Variants in PEAK1 observed in about 807,000 individuals in gnomAD.
The protein encoded by PEAK1 is inactive tyrosine-protein kinase PEAK1.
A neutral mutation model predicts 124.7 loss-of-function variants in PEAK1; 54 were observed. The ratio of observed to expected loss-of-function variants is 0.43; its 90% confidence interval spans 0.35 to 0.54. The LOEUF is 0.54. Ranked by LOEUF, PEAK1 falls within the 20% of genes least tolerant of loss-of-function variation. PEAK1 has a pLI of 0.01. For missense variants in PEAK1, 2,046 were observed against 2,134.5 expected (o/e 0.96, Z 0.82); for synonymous variants, 719 against 760.0 (o/e 0.95, Z 0.89).
chr15:77,380,263 C>T (rs559273999), intron 1 of PEAK1, among the ~76,000 whole-genome samples: 6 of 152,148 alleles, frequency 3.9e-5, no homozygotes, highest in East Asian at 3.9e-4. Flanking sequence ...TAATACAGGC[C>T]GATGGTTAGG....
chr15:77,145,204 T>C (rs1476692320), intron 8 of PEAK1, among the ~76,000 whole-genome samples: 1 of 152,326 alleles, frequency 6.6e-6, no homozygotes, highest in African/African-American at 2.4e-5. Flanking sequence ...ATCCCAGCAC[T>C]TCGGGAGGCC....
intron 2 of PEAK1, chr15:77,334,392 A>G: frequency 1.0e-6 from 1 of 985,244 alleles, no homozygotes; most frequent in African/African-American, 1.7e-5. Context: ...AAGAAGAAAT[A>G]TTTTCCAGAT....
intron 2 of PEAK1, among the ~76,000 whole-genome samples, chr15:77,322,568 G>A (rs1216156219): frequency 1.3e-5 from 2 of 152,098 alleles, no homozygotes; most frequent in African/African-American, 4.8e-5. Flanking sequence ...ACCCTCCCAA[G>A]ACTAAACCAG....
rs138231978 is a variant in PEAK1 at position 77,397,100 on chromosome 15, T to G, written c.-666+22906A>C. Among the ~76,000 whole-genome samples, 61 of 152,290 alleles carry G rather than the reference T, an allele frequency of 4.0e-4. 1 individual carries two copies. The highest frequency in any genetic ancestry group is 1.4e-3 in the African/African-American group (60 of 41,574). On this transcript the variant is annotated intron_variant, in intron 1 of 9. Coordinates refer to ENST00000682557, the MANE Select transcript of PEAK1 (RefSeq NM_001385026.1). ...TTAAAACTCAAAAAAAATGAAATTA[T>G]ATCAAGTATCTTATCTGACCACAAT...
In PEAK1 at chr15:77,202,611, T is replaced by TA. The variant is rs542702512; in HGVS notation, c.-114-20572dup. ...GAAACCCCGTCTCTACTAAAAAAAATAAAAAAAAAATAGCTGGGCATGGTG... is the reference window on the plus strand; with the variant it reads ...GAAACCCCGTCTCTACTAAAAAAAATAAAAAAAAAAATAGCTGGGCATGGTG... On this transcript the variant is annotated intron_variant, in intron 6 of 9. Transcript: ENST00000682557. Among the ~76,000 whole-genome samples, 105 of 143,252 alleles carry TA rather than the reference T, an allele frequency of 7.3e-4. 1 individual carries two copies. The highest frequency in any genetic ancestry group is 3.7e-3 in the Middle Eastern group (1 of 270). The allele number at this position is 143,252 out of a possible 152,430, so 94.0% of individuals were successfully genotyped here.
At chr15:77,196,483 C>A (rs1008009811) in intron 6 of PEAK1, among the ~76,000 whole-genome samples, 1 of 152,064 alleles carries the variant, frequency 6.6e-6, no homozygotes, top group African/African-American at 2.4e-5. Context: ...GGAAATTCCC[C>A]AAATCTCTCT....
chr15:77,157,034 A>C (rs1262881461), intron 8 of PEAK1: 1 of 152,206 alleles, frequency 6.6e-6, no homozygotes, highest in Non-Finnish European at 1.5e-5. Flanking sequence ...TTCTTACACA[A>C]TGTATTTTCA....
In PEAK1 at chr15:77,328,042, A is replaced by G. The variant is rs74586422; in HGVS notation, c.-603+37121T>C. Among the ~76,000 whole-genome samples, 5 of 152,176 alleles carry G rather than the reference A, an allele frequency of 3.3e-5. No homozygotes were observed. In the South Asian group the frequency reaches 1.0e-3, roughly 31 times the overall value. On this transcript the variant is annotated intron_variant, in intron 2 of 9. Transcript: ENST00000682557. ...TGACAACCACTACTCTGAAGTCCCA[A>G]TGGAGACTACTCTGATCTGATAATG... is the stretch of plus-strand genomic sequence containing the variant.
intron 2 of PEAK1, among the ~76,000 whole-genome samples, chr15:77,321,496 T>C (rs1326576621): frequency 2.0e-5 from 3 of 152,230 alleles, no homozygotes; most frequent in Non-Finnish European, 4.4e-5. Context: ...TGCCCACTTT[T>C]TGATGGAGAT....
rs1327797204 is a variant in PEAK1, at chr15:77,403,174, T to C, written c.-666+16832A>G. 6 of 985,290 alleles carry C rather than the reference T, an allele frequency of 6.1e-6. No homozygotes were observed. In the African/African-American group the frequency reaches 8.7e-5, roughly 14 times the overall value. 61.0% of individuals were successfully genotyped at this position (985,290 alleles called of 1,614,324 possible). A position where few individuals can be genotyped will look rare whatever the true frequency, so the allele number is the denominator to read the frequency against. On this transcript the variant is annotated intron_variant, in intron 1 of 9. Coordinates refer to ENST00000682557, the MANE Select transcript of PEAK1 (RefSeq NM_001385026.1). ...AAATACTGCTACTTTGCCTGTATCA[T>C]CTTGGCCTCCAATGAGATTGTATTT...
chr15:77,264,598 TAA>T (rs961783766), intron 5 of PEAK1, among the ~76,000 whole-genome samples: 10 of 152,080 alleles, frequency 6.6e-5, no homozygotes, highest in African/African-American at 2.4e-4. Context: ...CTCAATGAAA[TAA>T]AAGAGGATAC....
chr15:77,151,352 A>G (rs1421270713), intron 8 of PEAK1, among the ~76,000 whole-genome samples: 1 of 151,846 alleles, frequency 6.6e-6, no homozygotes, highest in East Asian at 1.9e-4. Flanking sequence ...CCACTTTTTG[A>G]TGGTGTTGTT....
At chr15:77,164,678 A>G (rs2055943984) in intron 7 of PEAK1, among the ~76,000 whole-genome samples, 1 of 152,234 alleles carries the variant, frequency 6.6e-6, no homozygotes, top group Admixed American at 6.5e-5. Flanking sequence ...GAAAAGATCA[A>G]TTAATTTTGG....
chr15:77,274,715 G>A (rs1226950382), intron 5 of PEAK1, among the ~76,000 whole-genome samples: 2 of 152,078 alleles, frequency 1.3e-5, no homozygotes, highest in Non-Finnish European at 2.9e-5. Flanking sequence ...CACTGCTGGT[G>A]GGAATATAAA....
At chr15:77,345,900 C>G (rs1173404102) in intron 2 of PEAK1, 1 of 983,352 alleles carries the variant, frequency 1.0e-6, no homozygotes, top group Non-Finnish European at 1.2e-6. Context: ...TTAAAAAAAT[C>G]AAACTCATTT....
chr15:77,341,269 G>T (rs1035925211), intron 2 of PEAK1, among the ~76,000 whole-genome samples: 1 of 152,066 alleles, frequency 6.6e-6, no homozygotes, highest in Non-Finnish European at 1.5e-5. Context: ...ACTTTGGGAG[G>T]CGGGTGGATC....
intron 5 of PEAK1, among the ~76,000 whole-genome samples, chr15:77,260,558 G>A (rs1330099132): frequency 6.6e-6 from 1 of 151,928 alleles, no homozygotes; most frequent in Non-Finnish European, 1.5e-5. Flanking sequence ...CAGAAATAGA[G>A]GATTTTCAAA....
chr15:77,365,835 A>G (rs1440231611), intron 1 of PEAK1, among the ~76,000 whole-genome samples: 2 of 152,134 alleles, frequency 1.3e-5, no homozygotes. Flanking sequence ...TCTTCAAAAG[A>G]AAGTATTTTC....
Position 77,169,448 on chromosome 15 carries a change from G to A in PEAK1, c.3137+9342C>T, listed in dbSNP as rs1240431099. Reference sequence around the variant, plus strand: ...GGCCATAGTTTTAATCAATAACCAAGTGTTATTGGTTAAATAACACTAAGA... The same window carrying A: ...GGCCATAGTTTTAATCAATAACCAAATGTTATTGGTTAAATAACACTAAGA... On this transcript the variant is annotated intron_variant, in intron 7 of 9. Transcript: ENST00000682557. Among the ~76,000 whole-genome samples the A allele has an allele frequency of 3.9e-5, 6 of 152,202 alleles. No individual in the cohort carries two copies. The East Asian group carries it at 1.2e-3, about 29-fold the overall frequency.
Sources: allele counts gnomAD v4.1 joint callset (sites outside exome capture counted in the v4.1 genomes callset), GRCh38; gene constraint gnomAD v4.1.1; transcripts MANE v1.5; gene names NCBI Gene and HGNC (gene_info 2026-07-23, HGNC 2026-07-21).